PPM1L: variants seen among roughly 807,000 people sequenced by gnomAD.
PPM1L encodes protein phosphatase 1L.
A neutral mutation model predicts 31.4 loss-of-function variants in PPM1L; 13 were observed. The observed-to-expected ratio is 0.41, with a 90% CI of 0.27 to 0.66. PPM1L has a LOEUF of 0.66. PPM1L is among the 30% of genes least tolerant of loss of function. The pLI is 0.29. For missense variants in PPM1L, 326 were observed against 453.7 expected, an observed-to-expected ratio of 0.72 and a Z score of 2.56; for synonymous variants, 184 against 175.4, an observed-to-expected ratio of 1.05 and a Z score of -0.39.
chr3:161,030,195 A>G (rs1011449822), intron 2 of PPM1L, among the ~76,000 whole-genome samples: 20 of 152,234 alleles, frequency 1.3e-4, no homozygotes, highest in African/African-American at 4.8e-4. Context: ...TTAGTACTAA[A>G]AGATAGGGCC....
At chr3:161,058,879 G>A (rs1214867077) in intron 2 of PPM1L, among the ~76,000 whole-genome samples, 4 of 152,080 alleles carry the variant, frequency 2.6e-5, no homozygotes, top group Non-Finnish European at 4.4e-5. Context: ...ACCCTCATTA[G>A]GATTTACAGT....
At chr3:160,977,025 C>T (rs1716612481) in intron 2 of PPM1L, among the ~76,000 whole-genome samples, 1 of 152,034 alleles carries the variant, frequency 6.6e-6, no homozygotes, top group East Asian at 1.9e-4. Flanking sequence ...CTATAAATTT[C>T]CCTCTACACA....
At chr3:160,943,814 G>T (rs1715233625) in intron 1 of PPM1L, among the ~76,000 whole-genome samples, 1 of 152,100 alleles carries the variant, frequency 6.6e-6, no homozygotes, top group African/African-American at 2.4e-5. Context: ...AGCTTGGTTT[G>T]TTGTGTGTGT....
intron 1 of PPM1L, among the ~76,000 whole-genome samples, chr3:160,829,696 A>G (rs1046125991): frequency 2.0e-5 from 3 of 152,164 alleles, no homozygotes; most frequent in Non-Finnish European, 4.4e-5. Context: ...TTTCATTTGT[A>G]GCCTGTCAGC....
chr3:160,843,083 CT>C (rs199786335), intron 1 of PPM1L, among the ~76,000 whole-genome samples: 1,528 of 151,824 alleles, frequency 0.01, 20 homozygotes, highest in African/African-American at 0.035. Context: ...AAATCTAATT[CT>C]TTTTTTTAAA....
At chr3:160,787,510 T>C (rs1371141911) in intron 1 of PPM1L, among the ~76,000 whole-genome samples, 2 of 152,106 alleles carry the variant, frequency 1.3e-5, no homozygotes, top group Admixed American at 1.3e-4. Context: ...TTATTGGATG[T>C]GTAGTTTGCA....
At chr3:161,065,673 C>A in intron 3 of PPM1L, 109 bp downstream of exon 3, 2 of 943,360 alleles carry the variant, frequency 2.1e-6, no homozygotes, top group Non-Finnish European at 3.2e-6. Flanking sequence ...ATTAGAGAGG[C>A]TGCTACTGAG....
At chr3:160,831,791 A>C (rs1180683136) in intron 1 of PPM1L, among the ~76,000 whole-genome samples, 2 of 152,016 alleles carry the variant, frequency 1.3e-5, no homozygotes, top group Non-Finnish European at 2.9e-5. Flanking sequence ...ATCTTAAGGA[A>C]TCTTCAGCTC....
chr3:160,827,493 G>A (rs1420949530), intron 1 of PPM1L, among the ~76,000 whole-genome samples: 4 of 147,792 alleles, frequency 2.7e-5, no homozygotes, highest in South Asian at 2.1e-4. Flanking sequence ...GTATGTATGT[G>A]TGTGTTTTAA....
At chr3:160,834,461 G>A (rs1713630312) in intron 1 of PPM1L, among the ~76,000 whole-genome samples, 1 of 129,370 alleles carries the variant, frequency 7.7e-6, no homozygotes, top group Middle Eastern at 3.4e-3. Context: ...ACATGCATTT[G>A]TGTATGTGTA....
At chr3:160,878,156 G>T (rs1331316320) in intron 1 of PPM1L, among the ~76,000 whole-genome samples, 2 of 152,182 alleles carry the variant, frequency 1.3e-5, no homozygotes, top group Non-Finnish European at 2.9e-5. Context: ...CATTGGCCCA[G>T]TTGGAGTGCA....
At chr3:160,881,185 A>G (rs1304302804) in intron 1 of PPM1L, among the ~76,000 whole-genome samples, 1 of 152,216 alleles carries the variant, frequency 6.6e-6, no homozygotes, top group Non-Finnish European at 1.5e-5. Context: ...ATTATGCTGC[A>G]AAGATTTTAA....
At chr3:160,981,732 T>TTTATTTA (rs1716805106) in intron 2 of PPM1L, among the ~76,000 whole-genome samples, 2 of 139,854 alleles carry the variant, frequency 1.4e-5, no homozygotes, top group African/African-American at 5.3e-5. Flanking sequence ...TTCCTTCTCA[T>TTTATTTA]TTTATTTATT....
intron 2 of PPM1L, among the ~76,000 whole-genome samples, chr3:161,034,393 G>C (rs149413348): frequency 0.01 from 1,567 of 152,260 alleles, 28 homozygotes; most frequent in African/African-American, 0.036. Flanking sequence ...ACATACACGT[G>C]TATGTTTATT....
chr3:160,837,276 C>A (rs183067802), intron 1 of PPM1L, among the ~76,000 whole-genome samples: 37 of 152,162 alleles, frequency 2.4e-4, no homozygotes, highest in African/African-American at 7.7e-4. Context: ...ATAAGACCAT[C>A]TGGGTCTACT....
chr3:160,845,773 A>G (rs1007212219), intron 1 of PPM1L, among the ~76,000 whole-genome samples: 5 of 151,992 alleles, frequency 3.3e-5, no homozygotes, highest in African/African-American at 9.7e-5. Flanking sequence ...ATTTTTGTAT[A>G]ATGTATGTCA....
intron 1 of PPM1L, among the ~76,000 whole-genome samples, chr3:160,786,918 G>T (rs1010872190): frequency 3.3e-5 from 5 of 152,096 alleles, no homozygotes; most frequent in Non-Finnish European, 7.4e-5. Flanking sequence ...TTGCCGCAAA[G>T]GACATGATTT....
chr3:161,021,717 A>C (rs1303834244), intron 2 of PPM1L, among the ~76,000 whole-genome samples: 1 of 151,982 alleles, frequency 6.6e-6, no homozygotes, highest in African/African-American at 2.4e-5. Flanking sequence ...TGTTATGTGC[A>C]TATATATTTA....
intron 1 of PPM1L, among the ~76,000 whole-genome samples, chr3:160,778,648 A>C (rs1001002505): frequency 2.0e-4 from 31 of 152,216 alleles, no homozygotes; most frequent in African/African-American, 6.8e-4. Flanking sequence ...GGTTCTCAGC[A>C]TGGGTTCATT....
Sources: gnomAD v4.1 joint callset for allele counts (sites outside exome capture counted in the v4.1 genomes callset) on GRCh38, gnomAD v4.1.1 for gene constraint, MANE v1.5 for transcripts, NCBI Gene and HGNC (gene_info 2026-07-23, HGNC 2026-07-21) for gene names.